The following MED12L variants were observed in gnomAD, a reference collection of about 807,000 sequenced individuals.
The protein encoded by MED12L is mediator complex subunit 12L.
Under a neutral mutation model 281.3 loss-of-function variants are expected in MED12L, and 60 were observed. That is an observed-to-expected ratio of 0.21 (90% confidence interval 0.17 to 0.26). The LOEUF is 0.26. MED12L is among the 10% of genes least tolerant of loss of function. MED12L has a pLI of 1.00. For missense variants in MED12L, 2,146 were observed against 2,680.9 expected (o/e 0.80, Z 4.41); for synonymous variants, 974 against 987.2 (o/e 0.99, Z 0.25).
chr3:151,328,189 A>T, intron 16 of MED12L: 1 of 1,613,052 alleles, frequency 6.2e-7, no homozygotes, highest in Non-Finnish European at 8.5e-7. Flanking sequence ...TTTGCAGTCT[A>T]CAGTCAGTCT....
intron 16 of MED12L, among the ~76,000 whole-genome samples, chr3:151,349,659 T>C (rs1450306052): frequency 6.6e-6 from 1 of 152,174 alleles, no homozygotes; most frequent in Non-Finnish European, 1.5e-5. Flanking sequence ...TTACTATTGC[T>C]ATATATAAAA....
At chr3:151,198,629 A>T in intron 16 of MED12L, 2 of 1,613,874 alleles carry the variant, frequency 1.2e-6, no homozygotes, top group Non-Finnish European at 1.7e-6. Flanking sequence ...ATCAGTTATG[A>T]CTTCTGTCTG....
intron 16 of MED12L, among the ~76,000 whole-genome samples, chr3:151,267,980 A>G (rs943627779): frequency 6.6e-6 from 1 of 152,220 alleles, no homozygotes; most frequent in Non-Finnish European, 1.5e-5. Context: ...TCCAAATGCC[A>G]GTAAAATGGA....
chr3:151,202,442 G>A (rs1559872714), intron 16 of MED12L, among the ~76,000 whole-genome samples: 3 of 152,144 alleles, frequency 2.0e-5, no homozygotes, highest in Admixed American at 6.5e-5. Flanking sequence ...AGGCTGAGGC[G>A]GGTGGATCAC....
At chr3:151,229,250 G>GGTTCTTT (rs1256309961) in intron 16 of MED12L, among the ~76,000 whole-genome samples, 1 of 151,612 alleles carries the variant, frequency 6.6e-6, no homozygotes, top group Non-Finnish European at 1.5e-5. Flanking sequence ...CCTGTTAGAG[G>GGTTCTTT]GTTCTTTGAT....
Position 151,365,082 on chromosome 3 carries a change from C to T in MED12L, c.3061C>T (p.Pro1021Ser). 1.2e-6 allele frequency: 2 copies of T among 1,614,080 alleles called. No homozygotes were observed. Among genetic ancestry groups the T allele is most frequent in the South Asian group, 2.2e-5 (2 of 91,082 alleles). The stretch of plus-strand genomic sequence containing the variant: ...CTTCATGATGGATTTTATTGAGAAT[C>T]CCTCAGCCCGCAGCATCAACTACTC... ...PDFMMDFIEN[P>S]SARSINYSML... Residue 1021 changes from proline (P) to serine (S), a missense_variant, in exon 22 of 45, where the codon CCC becomes TCC. Around this residue, in one of 9 missense-constraint regions of MED12L, gnomAD observed 404 missense variants for 603.5 expected, o/e 0.67. Transcript: ENST00000687756.
At chr3:151,216,218 A>C (rs972046525) in intron 16 of MED12L, among the ~76,000 whole-genome samples, 7 of 152,178 alleles carry the variant, frequency 4.6e-5, no homozygotes, top group African/African-American at 1.7e-4. Context: ...ATGAATATGC[A>C]CTCTGGGAAT....
intron 5 of MED12L, among the ~76,000 whole-genome samples, chr3:151,141,727 T>C (rs1420018845): frequency 6.6e-6 from 1 of 152,236 alleles, no homozygotes; most frequent in African/African-American, 2.4e-5. Flanking sequence ...TCCATCTTCC[T>C]CTTTGGCAAC....
chr3:151,178,270 T>C (rs1260170791), intron 11 of MED12L, among the ~76,000 whole-genome samples: 1 of 152,064 alleles, frequency 6.6e-6, no homozygotes, highest in Non-Finnish European at 1.5e-5. Context: ...AGTACTTCCT[T>C]TTGGTTATTC....
rs75538431 is a variant in MED12L at position 151,275,874 on chromosome 3, T to C, written c.2251-74185T>C. Among the ~76,000 whole-genome samples the C allele has an allele frequency of 1.3e-3, 202 of 152,234 alleles. 3 individuals carry two copies. The highest frequency in any genetic ancestry group is 0.013 in the East Asian group (67 of 5,174). On this transcript the variant is annotated intron_variant, in intron 16 of 44. Transcript: ENST00000687756. The stretch of plus-strand genomic sequence containing the variant: ...TTATCTAGCTGTGCTGCTCAGACTT[T>C]TAGGAGGCAATGCATCTTTTAGTAT...
At chr3:151,375,964 A>G (rs1176529013) in intron 27 of MED12L, 62 bp from the exon 28 acceptor site, 17 of 649,844 alleles carry the variant, frequency 2.6e-5, no homozygotes, top group Non-Finnish European at 3.8e-5. Flanking sequence ...GATTTAGTAC[A>G]TATTGCATAT....
chr3:151,394,819 G>T lies in MED12L; in HGVS notation c.5772G>T (p.Gln1924His). The T allele has an allele frequency of 6.2e-7, 1 of 1,614,182 alleles. No homozygotes were observed. The highest frequency in any genetic ancestry group is 8.5e-7 in the Non-Finnish European group (1 of 1,180,044). ...QLIQMKLLQQ[Q>H]QQQRLLRQAQ... is the part of the protein sequence containing the mutation. Reference sequence around the variant, plus strand: ...TACAGATGAAGCTTCTGCAGCAGCAGCAGCAACAGCGACTTCTCAGGCAAG... The same window carrying T: ...TACAGATGAAGCTTCTGCAGCAGCATCAGCAACAGCGACTTCTCAGGCAAG... Residue 1924 changes from glutamine (Q) to histidine (H), a missense_variant, in exon 39 of 45, where the codon CAG (glutamine) becomes CAT (histidine). By Grantham distance (24) the Gln-to-His change is conservative (BLOSUM62 0). This residue lies in a region of MED12L where 496 missense variants were observed against 512.0 expected (regional missense o/e 0.97). Coordinates refer to ENST00000687756, the MANE Select transcript of MED12L (RefSeq NM_001393769.1).
At chr3:151,198,961 G>T (rs1393413069) in intron 16 of MED12L, 1 of 1,613,762 alleles carries the variant, frequency 6.2e-7, no homozygotes, top group South Asian at 1.1e-5. Context: ...TTATAAGAAG[G>T]ACCATTAGCC....
intron 16 of MED12L, among the ~76,000 whole-genome samples, chr3:151,313,949 A>G (rs1490182868): frequency 6.6e-6 from 1 of 152,202 alleles, no homozygotes; most frequent in Non-Finnish European, 1.5e-5. Context: ...GCATGATAAA[A>G]TATGCAGTAA....
intron 3 of MED12L, among the ~76,000 whole-genome samples, chr3:151,117,447 C>G (rs556508806): frequency 6.6e-6 from 1 of 152,164 alleles, no homozygotes; most frequent in African/African-American, 2.4e-5. Flanking sequence ...CACATAGATA[C>G]ATATTTTTTC....
chr3:151,297,499 A>G (rs1341782749), intron 16 of MED12L, among the ~76,000 whole-genome samples: 6 of 152,216 alleles, frequency 3.9e-5, no homozygotes, highest in Admixed American at 3.3e-4. Flanking sequence ...AGGAGCAGCC[A>G]TGTCATCTCT....
rs768708517 is a variant in MED12L at position 151,435,575 on chromosome 3, A to C, written c.*2771A>C. Reference sequence around the variant, plus strand: ...AATTCTCGGTTTTGTGCACTGAGATATCTAAGACCTATGGCATTTTTTTCC... The same window carrying C: ...AATTCTCGGTTTTGTGCACTGAGATCTCTAAGACCTATGGCATTTTTTTCC... On this transcript the variant is annotated 3_prime_UTR_variant, in exon 45 of 45. Coordinates refer to ENST00000687756, the MANE Select transcript of MED12L (RefSeq NM_001393769.1). 1 of 152,162 alleles carries C rather than the reference A, an allele frequency of 6.6e-6. No homozygotes were observed. The highest frequency in any genetic ancestry group is 2.4e-5 in the African/African-American group (1 of 41,428). 9.4% of individuals were successfully genotyped at this position (152,162 alleles called of 1,614,324 possible). A position where few individuals can be genotyped will look rare whatever the true frequency, so the allele number is the denominator to read the frequency against.
chr3:151,426,388 T>TA (rs1317028121), intron 43 of MED12L, among the ~76,000 whole-genome samples: 7 of 152,162 alleles, frequency 4.6e-5, no homozygotes, highest in Non-Finnish European at 1.0e-4. Flanking sequence ...GAGGCTTCTG[T>TA]AGGGTGTTGG....
At chr3:151,146,959 TC>T (rs1717837696) in intron 5 of MED12L, among the ~76,000 whole-genome samples, 1 of 152,210 alleles carries the variant, frequency 6.6e-6, no homozygotes, top group East Asian at 1.9e-4. Context: ...GGGCTATTTA[TC>T]CAGGCAGCCA....
Sources: gnomAD v4.1 joint callset for allele counts (sites outside exome capture counted in the v4.1 genomes callset) on GRCh38, gnomAD v4.1.1 for gene constraint, gnomAD v4.1.1 regional missense constraint, MANE v1.5 for transcripts, NCBI Gene and HGNC (gene_info 2026-07-23, HGNC 2026-07-21) for gene names.